The following DDX10 variants were observed in gnomAD, a reference collection of about 807,000 sequenced individuals.
DDX10 encodes the protein probable ATP-dependent RNA helicase DDX10.
In DDX10, 74 loss-of-function variants were observed where a neutral mutation model predicts 104.3. The observed-to-expected ratio is 0.71, with a 90% CI of 0.59 to 0.86. DDX10 has a LOEUF of 0.86. DDX10 is among the 40% of genes least tolerant of loss of function. The pLI is 0.00. For missense variants in DDX10, 952 were observed against 1,040.0 expected, an observed-to-expected ratio of 0.92 and a Z score of 1.16; for synonymous variants, 351 against 353.4, an observed-to-expected ratio of 0.99 and a Z score of 0.08.
chr11:108,903,911 G>A (rs1863553450), intron 16 of DDX10, among the ~76,000 whole-genome samples: 1 of 152,128 alleles, frequency 6.6e-6, no homozygotes, highest in East Asian at 1.9e-4. Flanking sequence ...CTGTGGATAT[G>A]TATTAAGTTC....
At chr11:108,704,470 G>A (rs1181989328) in intron 9 of DDX10, among the ~76,000 whole-genome samples, 2 of 152,178 alleles carry the variant, frequency 1.3e-5, no homozygotes, top group East Asian at 3.9e-4. Flanking sequence ...CTGCTTAGGA[G>A]TCAGCATTAA....
chr11:108,844,137 T>A (rs1265541640), intron 15 of DDX10, among the ~76,000 whole-genome samples: 1 of 152,188 alleles, frequency 6.6e-6, no homozygotes, highest in East Asian at 1.9e-4. Flanking sequence ...AACCAGTACT[T>A]CTGTGACTAC....
At chr11:108,873,605 G>T (rs754301747) in intron 16 of DDX10, among the ~76,000 whole-genome samples, 9 of 152,046 alleles carry the variant, frequency 5.9e-5, no homozygotes, top group Non-Finnish European at 1.0e-4. Context: ...TTCTTTTGTG[G>T]TTTGCATCTT....
At chr11:108,700,276 C>T (rs2094265873) in intron 9 of DDX10, among the ~76,000 whole-genome samples, 1 of 152,150 alleles carries the variant, frequency 6.6e-6, no homozygotes, top group East Asian at 1.9e-4. Context: ...CTCATTTAGC[C>T]CATAGAACAA....
intron 16 of DDX10, among the ~76,000 whole-genome samples, chr11:108,853,918 C>G (rs1295093054): frequency 9.2e-5 from 14 of 152,162 alleles, no homozygotes; most frequent in Non-Finnish European, 7.3e-5. Context: ...TGCAGCTCAG[C>G]CAGGAGCTTT....
chr11:108,798,309 A>T (rs1329511558), intron 13 of DDX10, among the ~76,000 whole-genome samples: 1 of 152,228 alleles, frequency 6.6e-6, no homozygotes, highest in African/African-American at 2.4e-5. Flanking sequence ...CATGTAATAT[A>T]AAATTTACCT....
rs1457352372 is a variant in DDX10 at position 108,677,130 on chromosome 11, C to T, written c.424C>T (p.Leu142=). 2.5e-6 allele frequency: 4 copies of T among 1,613,548 alleles called. No homozygotes were observed. The African/African-American group carries it at 4.0e-5, about 16-fold the overall frequency. ...TCTGCAATGGACTTCAACAGATGGG[C>T]TGGGGGTTCTCATAATATCACCTAC... ...YRLQWTSTDG[L]GVLIISPTRE... The change falls in exon 4 of 18, where the codon CTG becomes TTG. Residue 142 remains leucine, a synonymous_variant. Coordinates refer to ENST00000322536, the MANE Select transcript of DDX10 (RefSeq NM_004398.4).
intron 13 of DDX10, among the ~76,000 whole-genome samples, chr11:108,748,939 C>G (rs1055043101): frequency 6.6e-6 from 1 of 151,980 alleles, no homozygotes; most frequent in African/African-American, 2.4e-5. Context: ...GCCAAGATTA[C>G]AGGCATGAGC....
At chr11:108,888,965 A>G (rs1863338941) in intron 16 of DDX10, among the ~76,000 whole-genome samples, 1 of 152,178 alleles carries the variant, frequency 6.6e-6, no homozygotes, top group Non-Finnish European at 1.5e-5. Flanking sequence ...TGGCCAAGGT[A>G]TTTAATATCT....
intron 13 of DDX10, among the ~76,000 whole-genome samples, chr11:108,804,709 G>A (rs1166970812): frequency 3.3e-5 from 5 of 152,102 alleles, no homozygotes; most frequent in Admixed American, 3.3e-4. Flanking sequence ...CCACTTTCAA[G>A]CTCATTCATA....
At chr11:108,877,429 C>T (rs961061871) in intron 16 of DDX10, among the ~76,000 whole-genome samples, 21 of 152,024 alleles carry the variant, frequency 1.4e-4, no homozygotes, top group African/African-American at 4.1e-4. Context: ...TTTTAACGAC[C>T]AAATGAGATT....
At chr11:108,712,517 AAAT>A (rs373661101) in intron 10 of DDX10, among the ~76,000 whole-genome samples, 11 of 152,018 alleles carry the variant, frequency 7.2e-5, no homozygotes, top group African/African-American at 2.4e-4. Flanking sequence ...GCCCATTTTG[AAAT>A]AATGACATAA....
At chr11:108,810,561 A>T (rs551233585) in intron 13 of DDX10, among the ~76,000 whole-genome samples, 1 of 152,246 alleles carries the variant, frequency 6.6e-6, no homozygotes, top group East Asian at 1.9e-4. Flanking sequence ...TGCGAAATTT[A>T]TTTACAACCT....
chr11:108,777,233 A>C (rs1355592153), intron 13 of DDX10, among the ~76,000 whole-genome samples: 1 of 152,116 alleles, frequency 6.6e-6, no homozygotes, highest in Non-Finnish European at 1.5e-5. Context: ...TTGCTATGAG[A>C]ATGTTTGATA....
In DDX10 at chr11:108,748,686, A is replaced by AT. The variant is rs202215759; in HGVS notation, c.1965+25234dup. Among the ~76,000 whole-genome samples, 182 of 149,660 alleles carry AT rather than the reference A, an allele frequency of 1.2e-3. 2 individuals are homozygous for AT. Among genetic ancestry groups the AT allele is most frequent in the African/African-American group, 4.0e-3 (165 of 40,788 alleles). ...ATCAGCTCTTGTACTCATTTATTTA[A>AT]TTTTTTTTTTAAGAAGTGGAGTCTT... is the stretch of plus-strand genomic sequence containing the variant. On this transcript the variant is annotated intron_variant, in intron 13 of 17. Coordinates refer to ENST00000322536, the MANE Select transcript of DDX10 (RefSeq NM_004398.4).
At chr11:108,840,506 G>C (rs1292693963) in intron 14 of DDX10, among the ~76,000 whole-genome samples, 2 of 152,134 alleles carry the variant, frequency 1.3e-5, no homozygotes, top group Non-Finnish European at 2.9e-5. Flanking sequence ...TGTTTTTCTG[G>C]AAGGGACACA....
At chr11:108,744,241 G>A (rs1472379683) in intron 13 of DDX10, among the ~76,000 whole-genome samples, 1 of 152,102 alleles carries the variant, frequency 6.6e-6, no homozygotes, top group Non-Finnish European at 1.5e-5. Flanking sequence ...TTCTTTGATG[G>A]TATCCATATA....
intron 15 of DDX10, among the ~76,000 whole-genome samples, chr11:108,848,247 A>G (rs1476325329): frequency 6.6e-6 from 1 of 152,198 alleles, no homozygotes; most frequent in Non-Finnish European, 1.5e-5. Context: ...ATATGTACAT[A>G]TACTAGTGCC....
intron 13 of DDX10, among the ~76,000 whole-genome samples, chr11:108,803,224 ATT>A (rs1862048517): frequency 1.3e-5 from 2 of 150,754 alleles, no homozygotes; most frequent in African/African-American, 4.9e-5. Context: ...TTACTCGGTC[ATT>A]TCCACCCAGG....
Sources: allele counts gnomAD v4.1 joint callset (sites outside exome capture counted in the v4.1 genomes callset), GRCh38; gene constraint gnomAD v4.1.1; transcripts MANE v1.5; gene names NCBI Gene and HGNC (gene_info 2026-07-23, HGNC 2026-07-21).